The following PCDH7 variants were observed in gnomAD, a reference collection of about 807,000 sequenced individuals.
PCDH7 encodes protocadherin 7.
PCDH7 carries 17 observed loss-of-function variants against 58.9 expected under a neutral mutation model. That is an observed-to-expected ratio of 0.29 (90% confidence interval 0.20 to 0.43). The LOEUF is 0.43. PCDH7 is among the 20% of genes least tolerant of loss of function. The pLI, the probability that PCDH7 is intolerant of heterozygous loss-of-function variation, is 1.00. For synonymous variants in PCDH7, 664 were observed against 616.4 expected (o/e 1.08, Z -1.14); for missense variants, 1,274 against 1,441.0 (o/e 0.88, Z 1.88).
intron 3 of PCDH7, among the ~76,000 whole-genome samples, chr4:31,028,560 T>A (rs1000661156): frequency 4.0e-5 from 6 of 151,520 alleles, no homozygotes; most frequent in Non-Finnish European, 7.4e-5. Context: ...GAGGTTGAGG[T>A]GGGTTGAAGT....
chr4:31,121,642 G>A (rs550742179), intron 3 of PCDH7, among the ~76,000 whole-genome samples: 2 of 152,210 alleles, frequency 1.3e-5, no homozygotes, highest in Non-Finnish European at 2.9e-5. Context: ...TGTATGTATA[G>A]ATAAGCACTC....
At chr4:30,839,283 A>G (rs887078685) in intron 1 of PCDH7, among the ~76,000 whole-genome samples, 7 of 152,112 alleles carry the variant, frequency 4.6e-5, no homozygotes, top group African/African-American at 1.7e-4. Flanking sequence ...AGGAATGAGA[A>G]GGGGACTTGT....
At chr4:31,002,261 A>T (rs552880647) in intron 3 of PCDH7, among the ~76,000 whole-genome samples, 1 of 152,352 alleles carries the variant, frequency 6.6e-6, no homozygotes, top group South Asian at 2.1e-4. Flanking sequence ...AAGGGATAAA[A>T]TGATAAGCAC....
At chr4:31,030,948 G>A (rs965297444) in intron 3 of PCDH7, among the ~76,000 whole-genome samples, 1 of 152,152 alleles carries the variant, frequency 6.6e-6, no homozygotes, top group African/African-American at 2.4e-5. Flanking sequence ...TCCCAAGAAA[G>A]CTCTCTTGAA....
intron 3 of PCDH7, among the ~76,000 whole-genome samples, chr4:31,051,125 A>G (rs926767505): frequency 6.6e-6 from 1 of 152,120 alleles, no homozygotes; most frequent in African/African-American, 2.4e-5. Flanking sequence ...AATATTGCCT[A>G]TAAGCCACTC....
chr4:30,884,182 G>A (rs967147842), intron 1 of PCDH7, among the ~76,000 whole-genome samples: 4 of 151,950 alleles, frequency 2.6e-5, no homozygotes, highest in Non-Finnish European at 5.9e-5. Context: ...CTTATTACTC[G>A]CCAAACACTG....
At position 30,822,374 on chromosome 4, in the gene PCDH7, C is replaced by T. The variant is rs988625303; in HGVS notation, c.70+97778C>T. 2.6e-5 allele frequency among the ~76,000 whole-genome samples: 4 copies of T among 152,156 alleles called. No individual in the cohort carries two copies. The South Asian group carries it at 6.2e-4, about 24-fold the overall frequency. On this transcript the variant is annotated intron_variant, in intron 1 of 3. Transcript: ENST00000509759. ...GGTTTGGAATGCCACACGCCACATC[C>T]AGAGACCTTTTCTCATTGTTGTGTT...
At chr4:31,094,927 T>C (rs1713759706) in intron 3 of PCDH7, among the ~76,000 whole-genome samples, 1 of 152,150 alleles carries the variant, frequency 6.6e-6, no homozygotes, top group African/African-American at 2.4e-5. Flanking sequence ...TTCTGCTATT[T>C]AAAAAGACAA....
intron 1 of PCDH7, among the ~76,000 whole-genome samples, chr4:30,833,340 T>C (rs1447372): frequency 0.98 from 149,345 of 152,214 alleles, 73,277 homozygotes; most frequent in East Asian, 1. Context: ...CTTCTAGACA[T>C]TGGCTGTATT....
chr4:31,078,414 C>A (rs1456361215), intron 3 of PCDH7, among the ~76,000 whole-genome samples: 1 of 152,036 alleles, frequency 6.6e-6, no homozygotes, highest in East Asian at 1.9e-4. Context: ...TCCCAAGTAG[C>A]CAGGGCTACA....
chr4:30,956,172 C>CCA (rs1008015016), intron 3 of PCDH7, among the ~76,000 whole-genome samples: 7 of 151,822 alleles, frequency 4.6e-5, no homozygotes, highest in Admixed American at 1.3e-4. Context: ...CGAGATCATG[C>CCA]CACTGCACTC....
chr4:31,140,508 GA>G lies in PCDH7; in HGVS notation c.*8-1953del, dbSNP rs59590919. 8.8e-3 allele frequency among the ~76,000 whole-genome samples: 1,078 copies of G among 122,910 alleles called. 13 individuals are homozygous for G. The highest frequency in any genetic ancestry group is 0.015 in the Middle Eastern group (3 of 204). 80.6% of individuals were successfully genotyped at this position (122,910 alleles called of 152,430 possible). On this transcript the variant is annotated intron_variant, in intron 3 of 3. Transcript: ENST00000509759. ...AGCAATTTGAATTTGTTGAAGCAGT[GA>G]AAAAAAAAAAAGGAAATATTTTGAG...
intron 3 of PCDH7, among the ~76,000 whole-genome samples, chr4:31,008,535 T>A (rs562004478): frequency 6.6e-6 from 1 of 152,302 alleles, no homozygotes; most frequent in African/African-American, 2.4e-5. Context: ...ATATAAGTAA[T>A]ACAAAAATTT....
chr4:30,743,973 A>G (rs371885054), intron 1 of PCDH7, among the ~76,000 whole-genome samples: 2 of 152,188 alleles, frequency 1.3e-5, no homozygotes, highest in Non-Finnish European at 2.9e-5. Flanking sequence ...TGTACTTGGC[A>G]ATCTTCCTGA....
At chr4:31,040,125 G>A (rs1416274510) in intron 3 of PCDH7, among the ~76,000 whole-genome samples, 1 of 152,160 alleles carries the variant, frequency 6.6e-6, no homozygotes, top group Non-Finnish European at 1.5e-5. Context: ...TAAATGCACA[G>A]TATGTTTTTC....
In PCDH7 at chr4:31,129,983, T is replaced by C. The variant is rs144723853; in HGVS notation, c.*8-12490T>C. ...TGCTAATCACTAGGAGGGAAACAGG[T>C]TAAAGAAAACAACAACAAAAAATAA... On this transcript the variant is annotated intron_variant, in intron 3 of 3. Transcript: ENST00000509759. Among the ~76,000 whole-genome samples, 246 of 152,050 alleles carry C rather than the reference T, an allele frequency of 1.6e-3. 2 individuals are homozygous for C. The highest frequency in any genetic ancestry group is 5.6e-3 in the African/African-American group (234 of 41,460).
chr4:30,724,001 C>A (rs762103951), exon 1 of PCDH7: 1 of 1,614,148 alleles, frequency 6.2e-7, no homozygotes, highest in South Asian at 1.1e-5. Context: ...TTGCACATCC[C>A]ACTCACCCAG....
At chr4:31,089,340 T>C (rs1184341113) in intron 3 of PCDH7, among the ~76,000 whole-genome samples, 3 of 152,094 alleles carry the variant, frequency 2.0e-5, no homozygotes, top group African/African-American at 4.8e-5. Context: ...CACATATGCC[T>C]TTTAAAGGCC....
At chr4:30,939,597 G>T (rs1472274619) in intron 2 of PCDH7, among the ~76,000 whole-genome samples, 1 of 151,970 alleles carries the variant, frequency 6.6e-6, no homozygotes, top group Admixed American at 6.6e-5. Context: ...TAAAATACTT[G>T]GTAATGTAAA....
Sources: allele counts gnomAD v4.1 joint callset (sites outside exome capture counted in the v4.1 genomes callset), GRCh38; gene constraint gnomAD v4.1.1; transcripts MANE v1.5; gene names NCBI Gene and HGNC (gene_info 2026-07-23, HGNC 2026-07-21).